Variants in ERC1 observed in about 807,000 individuals in gnomAD.
ERC1 encodes RAB6 interacting protein 2.
Under a neutral mutation model 132.0 loss-of-function variants are expected in ERC1, and 56 were observed. The observed-to-expected ratio is 0.42, with a 90% CI of 0.34 to 0.53. ERC1 has a LOEUF of 0.53. Ranked by LOEUF, ERC1 falls within the 20% of genes least tolerant of loss-of-function variation. ERC1 has a pLI of 0.03. For synonymous variants in ERC1, 478 were observed against 476.1 expected, an observed-to-expected ratio of 1.00 and a Z score of -0.05; for missense variants, 1,202 against 1,349.9, an observed-to-expected ratio of 0.89 and a Z score of 1.72.
At chr12:1,134,330 T>G (rs572518845) in intron 7 of ERC1, among the ~76,000 whole-genome samples, 10 of 151,964 alleles carry the variant, frequency 6.6e-5, no homozygotes, top group African/African-American at 2.2e-4. Context: ...TTATTGTTAT[T>G]TAAAAGCTGT....
At chr12:1,483,696 T>G (rs952236974) in intron 18 of ERC1, among the ~76,000 whole-genome samples, 2 of 81,242 alleles carry the variant, frequency 2.5e-5, no homozygotes, top group African/African-American at 1.2e-4. Flanking sequence ...TTTTTTTTTT[T>G]TTTTTTTTTT....
chr12:1,119,261 T>C (rs1434980997), intron 7 of ERC1, among the ~76,000 whole-genome samples: 2 of 150,070 alleles, frequency 1.3e-5, no homozygotes, highest in African/African-American at 2.5e-5. Flanking sequence ...TTGTTTTGTT[T>C]TTTTTGTTTT....
chr12:1,460,845 ATAAAT>A (rs889860974), intron 18 of ERC1, among the ~76,000 whole-genome samples: 5 of 151,822 alleles, frequency 3.3e-5, no homozygotes, highest in African/African-American at 9.7e-5. Context: ...TCCATAAAAA[ATAAAT>A]TAGGTAAAAT....
chr12:1,049,178 T>C (rs1238133188), intron 2 of ERC1, among the ~76,000 whole-genome samples: 1 of 152,226 alleles, frequency 6.6e-6, no homozygotes, highest in Non-Finnish European at 1.5e-5. Flanking sequence ...TAAACAAATA[T>C]TTGCGCATTA....
intron 14 of ERC1, among the ~76,000 whole-genome samples, chr12:1,272,637 C>T (rs946336962): frequency 2.6e-5 from 4 of 152,056 alleles, no homozygotes; most frequent in African/African-American, 7.2e-5. Context: ...TATTTTACAT[C>T]CATGGTCTTC....
intron 2 of ERC1, among the ~76,000 whole-genome samples, chr12:1,068,578 TG>T (rs1326137722): frequency 5.5e-5 from 7 of 127,912 alleles, no homozygotes; most frequent in African/African-American, 1.9e-4. Flanking sequence ...AGTAAAATGA[TG>T]TTAAAAGCCC....
chr12:1,415,547 T>G (rs2092076169), intron 17 of ERC1, among the ~76,000 whole-genome samples: 1 of 152,250 alleles, frequency 6.6e-6, no homozygotes, highest in South Asian at 2.1e-4. Context: ...ACTTATCAGT[T>G]GGAAACATCC....
At chr12:1,435,820 A>G (rs1450633189) in intron 17 of ERC1, among the ~76,000 whole-genome samples, 3 of 152,154 alleles carry the variant, frequency 2.0e-5, no homozygotes, top group African/African-American at 2.4e-5. Context: ...CCTTTCTCCA[A>G]TGGAAAGGTG....
At chr12:1,418,401 T>A (rs183808493) in intron 17 of ERC1, among the ~76,000 whole-genome samples, 313 of 152,278 alleles carry the variant, frequency 2.1e-3, no homozygotes, top group African/African-American at 7.2e-3. Flanking sequence ...AGGAAAAGAA[T>A]GTCCTTATCT....
At chr12:1,288,679 A>G (rs943658235) in intron 14 of ERC1, among the ~76,000 whole-genome samples, 5 of 152,066 alleles carry the variant, frequency 3.3e-5, no homozygotes, top group African/African-American at 1.2e-4. Context: ...GTATCACACA[A>G]ATGGGGTTTA....
intron 8 of ERC1, among the ~76,000 whole-genome samples, chr12:1,160,198 A>G (rs1241588776): frequency 2.6e-5 from 4 of 152,198 alleles, no homozygotes; most frequent in African/African-American, 7.2e-5. Flanking sequence ...CTACCCATTT[A>G]TAAACGTGCT....
chr12:1,399,864 T>A (rs2090870321), intron 16 of ERC1, among the ~76,000 whole-genome samples: 1 of 152,232 alleles, frequency 6.6e-6, no homozygotes, highest in Admixed American at 6.5e-5. Flanking sequence ...GGGTGCTTTT[T>A]TGCATGGAAA....
chr12:1,340,040 TG>T (rs1416529867), intron 15 of ERC1, among the ~76,000 whole-genome samples: 1 of 152,160 alleles, frequency 6.6e-6, no homozygotes, highest in African/African-American at 2.4e-5. Context: ...CTGTAATGTG[TG>T]GAGAAAGCAG....
intron 13 of ERC1, among the ~76,000 whole-genome samples, chr12:1,247,724 C>T (rs760656325): frequency 3.3e-5 from 5 of 152,100 alleles, no homozygotes; most frequent in Admixed American, 1.3e-4. Context: ...AGGCCGGGCA[C>T]GGTGGCTCAT....
chr12:1,071,475 G>C (rs1434385521), intron 2 of ERC1, among the ~76,000 whole-genome samples: 1 of 151,944 alleles, frequency 6.6e-6, no homozygotes, highest in Non-Finnish European at 1.5e-5. Flanking sequence ...ATTGTCCTTA[G>C]AAGAACGTTC....
intron 15 of ERC1, among the ~76,000 whole-genome samples, chr12:1,368,814 T>C (rs1591574692): frequency 6.6e-6 from 1 of 152,350 alleles, no homozygotes. Flanking sequence ...CTATCAAAGA[T>C]AGACATTACT....
chr12:1,010,881 A>G (rs1239620439), intron 1 of ERC1, among the ~76,000 whole-genome samples: 3 of 151,888 alleles, frequency 2.0e-5, no homozygotes, highest in African/African-American at 7.3e-5. Flanking sequence ...GTGCCATTCC[A>G]CCCGTTTCTT....
chr12:1,247,053 C>T (rs2076197260), intron 13 of ERC1, among the ~76,000 whole-genome samples: 1 of 148,832 alleles, frequency 6.7e-6, no homozygotes, highest in African/African-American at 2.5e-5. Context: ...CACTTGAGCC[C>T]AGGAGTTTGA....
intron 12 of ERC1, among the ~76,000 whole-genome samples, chr12:1,223,206 G>C (rs1450510960): frequency 6.6e-6 from 1 of 152,220 alleles, no homozygotes; most frequent in Non-Finnish European, 1.5e-5. Context: ...TGGAGAACAA[G>C]TCAACATGTC....
Sources: gnomAD v4.1 joint callset for allele counts (sites outside exome capture counted in the v4.1 genomes callset) on GRCh38, gnomAD v4.1.1 for gene constraint, MANE v1.5 for transcripts, NCBI Gene and HGNC (gene_info 2026-07-23, HGNC 2026-07-21) for gene names.